The following MGMT variants were observed in gnomAD, a reference collection of about 807,000 sequenced individuals.
MGMT encodes the protein O-6-methylguanine-DNA methyltransferase.
A neutral mutation model predicts 15.9 loss-of-function variants in MGMT; 14 were observed. The ratio of observed to expected loss-of-function variants is 0.88; its 90% CI spans 0.58 to 1.37. The LOEUF (loss-of-function observed/expected upper bound fraction) is 1.37, where lower values mean the gene tolerates loss of function less well. Ranked by LOEUF, MGMT falls within the 40% of genes most tolerant of loss-of-function variation. MGMT has a pLI of 0.00. For missense variants in MGMT, 282 were observed against 268.1 expected, an observed-to-expected ratio of 1.05 and a Z score of -0.36; for synonymous variants, 130 against 118.2, an observed-to-expected ratio of 1.10 and a Z score of -0.65.
At chr10:129,524,844 C>T (rs987730650) in intron 1 of MGMT, among the ~76,000 whole-genome samples, 4 of 152,054 alleles carry the variant, frequency 2.6e-5, no homozygotes, top group Non-Finnish European at 5.9e-5. Flanking sequence ...CACGCCTCGG[C>T]CTCCCAAAGT....
chr10:129,766,488 A>G (rs1015203213), intron 4 of MGMT, among the ~76,000 whole-genome samples: 2 of 152,192 alleles, frequency 1.3e-5, no homozygotes, highest in Non-Finnish European at 2.9e-5. Context: ...ACCGGATGAA[A>G]TTAAGTTTTC....
At chr10:129,589,113 C>T (rs1291673565) in intron 2 of MGMT, among the ~76,000 whole-genome samples, 1 of 152,232 alleles carries the variant, frequency 6.6e-6, no homozygotes, top group Non-Finnish European at 1.5e-5. Flanking sequence ...CTCTAGTTGA[C>T]AGGCCATTTG....
At chr10:129,719,270 C>T (rs1020992666) in intron 3 of MGMT, among the ~76,000 whole-genome samples, 2 of 152,224 alleles carry the variant, frequency 1.3e-5, no homozygotes, top group African/African-American at 4.8e-5. Context: ...AGAGCCAGTC[C>T]GTGTGCCTGC....
intron 1 of MGMT, among the ~76,000 whole-genome samples, chr10:129,484,462 T>G (rs915197237): frequency 3.3e-5 from 5 of 152,246 alleles, no homozygotes; most frequent in Non-Finnish European, 7.3e-5. Context: ...CATATGGGCC[T>G]TTTAAAATAT....
intron 2 of MGMT, among the ~76,000 whole-genome samples, chr10:129,653,860 G>A (rs997540932): frequency 1.3e-5 from 2 of 152,198 alleles, no homozygotes; most frequent in African/African-American, 4.8e-5. Flanking sequence ...AGGTGGGCTA[G>A]GGGCAGGAGA....
At chr10:129,672,460 C>G (rs528817226) in intron 2 of MGMT, among the ~76,000 whole-genome samples, 1 of 152,166 alleles carries the variant, frequency 6.6e-6, no homozygotes, top group Non-Finnish European at 1.5e-5. Flanking sequence ...GAATTTCCTT[C>G]TTTGAACCCA....
At chr10:129,622,522 C>T (rs1161238510) in intron 2 of MGMT, among the ~76,000 whole-genome samples, 1 of 152,228 alleles carries the variant, frequency 6.6e-6, no homozygotes, top group African/African-American at 2.4e-5. Context: ...TTCAGTATGA[C>T]TTCACATAGG....
At chr10:129,539,984 A>G (rs35787611) in intron 2 of MGMT, among the ~76,000 whole-genome samples, 8,934 of 152,158 alleles carry the variant, frequency 0.059, 373 homozygotes, top group Admixed American at 0.081. Context: ...CTGGTTGTCA[A>G]TTTTGGGAGG....
intron 3 of MGMT, among the ~76,000 whole-genome samples, chr10:129,710,615 G>A (rs1332119): frequency 0.011 from 1,696 of 152,320 alleles, 85 homozygotes; most frequent in Admixed American, 0.091. Flanking sequence ...TGCTAACAGG[G>A]AGTTAATTGG....
rs918480997 is a variant in MGMT, at chr10:129,565,293, A to T, written c.125+28916A>T. ...GAGCTACTGGCAGGTAAAAGACAGT[A>T]AAAAAAAAAAAAATAGTGAAAGACA... On this transcript the variant is annotated intron_variant, in intron 2 of 4. Coordinates refer to ENST00000651593, the MANE Select transcript of MGMT (RefSeq NM_002412.5). Among the ~76,000 whole-genome samples, 5 of 113,020 alleles carry T rather than the reference A, an allele frequency of 4.4e-5. No homozygotes were observed. In the South Asian group the frequency reaches 1.2e-3, roughly 27 times the overall value. The allele number at this position is 113,020 out of a possible 152,430, so 74.1% of individuals were successfully genotyped here. A position where few individuals can be genotyped will look rare whatever the true frequency, so the allele number is the denominator to read the frequency against.
At position 129,768,605 on chromosome 10, in the gene MGMT, C is replaced by A. The variant is rs1280043464; in HGVS notation, c.*1608C>A. ...GGCCCTCCCCAGTGATGGCCGGTCA[C>A]CAGGCACGGCTTTCCCCTCTGCATG... On this transcript the variant is annotated 3_prime_UTR_variant, in exon 5 of 5. Coordinates refer to ENST00000651593, the MANE Select transcript of MGMT (RefSeq NM_002412.5). Among the ~76,000 whole-genome samples the A allele has an allele frequency of 6.6e-6, 1 of 152,268 alleles. No homozygotes were observed. The highest frequency in any genetic ancestry group is 2.4e-5 in the African/African-American group (1 of 41,476).
intron 3 of MGMT, among the ~76,000 whole-genome samples, chr10:129,737,644 T>G (rs538653391): frequency 4.9e-4 from 75 of 152,340 alleles, no homozygotes; most frequent in African/African-American, 1.7e-3. Flanking sequence ...TTTTTAGAGT[T>G]TCCAGTTTTT....
intron 3 of MGMT, among the ~76,000 whole-genome samples, chr10:129,746,306 A>G (rs775730049): frequency 2.4e-4 from 37 of 151,550 alleles, no homozygotes; most frequent in African/African-American, 7.2e-4. Flanking sequence ...TTCACAAACA[A>G]GTTTTTTTTC....
intron 2 of MGMT, among the ~76,000 whole-genome samples, chr10:129,565,627 G>A (rs189458074): frequency 3.9e-5 from 6 of 152,208 alleles, no homozygotes; most frequent in East Asian, 1.9e-4. Context: ...GTGTACATGC[G>A]CACCTGTAAC....
chr10:129,577,950 C>A (rs1181997483), intron 2 of MGMT, among the ~76,000 whole-genome samples: 6 of 152,188 alleles, frequency 3.9e-5, no homozygotes, highest in Non-Finnish European at 8.8e-5. Flanking sequence ...CATCACTGGC[C>A]ATCAGAGAAA....
chr10:129,612,401 T>A (rs73386983), intron 2 of MGMT, among the ~76,000 whole-genome samples: 4,881 of 152,306 alleles, frequency 0.032, 282 homozygotes, highest in African/African-American at 0.11. Flanking sequence ...CAGGTTACAT[T>A]TTGAAAGAGC....
intron 1 of MGMT, among the ~76,000 whole-genome samples, chr10:129,477,899 C>A (rs1187944681): frequency 1.3e-5 from 2 of 152,130 alleles, no homozygotes; most frequent in Non-Finnish European, 2.9e-5. Context: ...AGACAGTGCT[C>A]CAAAAAGGCA....
At position 129,768,541 on chromosome 10, in the gene MGMT, C is replaced by G. The variant is rs1848964748; in HGVS notation, c.*1544C>G. On this transcript the variant is annotated 3_prime_UTR_variant, in exon 5 of 5. Transcript: ENST00000651593. ...GTGAGTGGGAAAAGCTGGGTGCACTCTGCCCCAAAGGTGGTGCCCTGTGTC... is the reference window on the plus strand; with the variant it reads ...GTGAGTGGGAAAAGCTGGGTGCACTGTGCCCCAAAGGTGGTGCCCTGTGTC... Among the ~76,000 whole-genome samples the G allele has an allele frequency of 6.6e-6, 1 of 152,240 alleles. No homozygotes were observed. Among genetic ancestry groups the G allele is most frequent in the African/African-American group, 2.4e-5 (1 of 41,478 alleles).
intron 2 of MGMT, among the ~76,000 whole-genome samples, chr10:129,600,660 C>T (rs1846810199): frequency 6.6e-6 from 1 of 152,184 alleles, no homozygotes; most frequent in African/African-American, 2.4e-5. Context: ...GTGAGGTAAA[C>T]ATCCGTATTG....
Sources: gnomAD v4.1 joint callset for allele counts (sites outside exome capture counted in the v4.1 genomes callset) on GRCh38, gnomAD v4.1.1 for gene constraint, MANE v1.5 for transcripts, NCBI Gene and HGNC (gene_info 2026-07-23, HGNC 2026-07-21) for gene names.